The following CC2D2B variants were observed in gnomAD, a reference collection of about 807,000 sequenced individuals.
The protein encoded by CC2D2B is protein CC2D2B.
CC2D2B carries 128 observed loss-of-function variants against 161.2 expected under a neutral mutation model. That is an observed-to-expected ratio of 0.79 (90% CI 0.69 to 0.92). CC2D2B has a LOEUF of 0.92. CC2D2B is among the 40% of genes least tolerant of loss of function. The pLI is 0.00. For missense variants in CC2D2B, 1,173 were observed against 1,375.1 expected, an observed-to-expected ratio of 0.85 and a Z score of 2.32; for synonymous variants, 391 against 449.8, an observed-to-expected ratio of 0.87 and a Z score of 1.65.
In CC2D2B at chr10:96,032,111, A is replaced by AGCTGGACTTG; in HGVS notation, c.*103_*104insGCTGGACTTG. On this transcript the variant is annotated 3_prime_UTR_variant, in exon 35 of 35. Transcript: ENST00000646931. ...TTGCTGTTTATTCTCAAGTCCAGCT[A>AGCTGGACTTG]AGTGCTGGGCCCAATTTTTGATTCA... The AGCTGGACTTG allele has an allele frequency of 1.1e-6, 1 of 874,372 alleles. No homozygotes were observed. Among genetic ancestry groups the AGCTGGACTTG allele is most frequent in the Non-Finnish European group, 1.7e-6 (1 of 575,952 alleles). 54.2% of individuals were successfully genotyped at this position (874,372 alleles called of 1,614,324 possible). A position where few individuals can be genotyped will look rare whatever the true frequency, so the allele number is the denominator to read the frequency against.
At chr10:95,991,257 A>T in intron 20 of CC2D2B, 113 bp from the exon 21 acceptor site, 1 of 353,792 alleles carries the variant, frequency 2.8e-6, no homozygotes, top group East Asian at 4.0e-5. Flanking sequence ...CTCCTACTCC[A>T]TTCATTGCTT....
chr10:96,024,882 TA>T lies in CC2D2B; in HGVS notation c.3922del (p.Ser1308AlafsTer3). 1 of 1,531,276 alleles carries T rather than the reference TA, an allele frequency of 6.5e-7. No individual in the cohort carries two copies. Among genetic ancestry groups the T allele is most frequent in the Non-Finnish European group, 8.9e-7 (1 of 1,129,750 alleles). 94.9% of individuals were successfully genotyped at this position (1,531,276 alleles called of 1,614,324 possible). On this transcript the variant is annotated frameshift_variant, in exon 33 of 35. Coordinates refer to ENST00000646931, the MANE Select transcript of CC2D2B (RefSeq NM_001349008.3). LOFTEE classifies it high-confidence loss of function. ...PEEIIYFETD[K>X]SMVEDLRNRI... ...AAGAAATAATTTATTTTGAAACTGA[TA>T]AAAGCATGGTAGAAGATCTAAGGAA...
At chr10:96,019,124 T>C in intron 30 of CC2D2B, 79 bp from the exon 31 acceptor site, 1 of 1,251,284 alleles carries the variant, frequency 8.0e-7, no homozygotes, top group Non-Finnish European at 1.1e-6. Flanking sequence ...GCTTTAAAAA[T>C]TAGAATCATC....
At chr10:95,962,078 T>G in intron 12 of CC2D2B, 109 bp downstream of exon 12, 1 of 591,970 alleles carries the variant, frequency 1.7e-6, no homozygotes, top group Non-Finnish European at 2.5e-6. Context: ...AACTATTCCA[T>G]GTAGTCAACA....
chr10:95,952,696 A>G (rs1389084737), intron 10 of CC2D2B, among the ~76,000 whole-genome samples: 1 of 152,082 alleles, frequency 6.6e-6, no homozygotes, highest in Non-Finnish European at 1.5e-5. Flanking sequence ...TCTGAAATTA[A>G]TACTCTATCT....
intron 1 of CC2D2B, among the ~76,000 whole-genome samples, chr10:95,908,663 A>G (rs1474320639): frequency 6.6e-6 from 1 of 151,980 alleles, no homozygotes; most frequent in Non-Finnish European, 1.5e-5. Context: ...TGGGGAAGTG[A>G]TGTGAGAGTT....
chr10:95,967,756 T>C (rs1273443636), intron 14 of CC2D2B, among the ~76,000 whole-genome samples: 2 of 152,188 alleles, frequency 1.3e-5, no homozygotes, highest in East Asian at 1.9e-4. Context: ...ATTGGGAATA[T>C]GGTCGAAAGA....
At chr10:95,921,782 C>T (rs536315412) in intron 2 of CC2D2B, among the ~76,000 whole-genome samples, 5 of 147,538 alleles carry the variant, frequency 3.4e-5, no homozygotes, top group East Asian at 2.0e-4. Context: ...GCACATCACA[C>T]GCCAGGGCCT....
In CC2D2B at chr10:95,937,894, C is replaced by T. The variant is rs893005851; in HGVS notation, c.337-97C>T. The T allele has an allele frequency of 1.8e-4, 128 of 713,728 alleles. 2 individuals are homozygous for T. Among genetic ancestry groups the T allele is most frequent in the South Asian group, 1.4e-3 (71 of 52,414 alleles). The allele number at this position is 713,728 out of a possible 1,614,324, so 44.2% of individuals were successfully genotyped here. On this transcript the variant is annotated intron_variant, in intron 6 of 34. Coordinates refer to ENST00000646931, the MANE Select transcript of CC2D2B (RefSeq NM_001349008.3). Reference sequence around the variant, plus strand: ...GTTCTGTGGGTGGCAGGATCAGACGCACAGTTCACAGTAAGGTTCCAGTAC... The same window carrying T: ...GTTCTGTGGGTGGCAGGATCAGACGTACAGTTCACAGTAAGGTTCCAGTAC...
At chr10:95,945,509 C>T (rs527391630) in intron 9 of CC2D2B, among the ~76,000 whole-genome samples, 97 of 152,306 alleles carry the variant, frequency 6.4e-4, no homozygotes, top group African/African-American at 1.5e-3. Context: ...TGATTAGTTT[C>T]GTCTGACCAT....
intron 24 of CC2D2B, chr10:96,000,216 G>A (rs2078417774): frequency 2.3e-6 from 3 of 1,301,862 alleles, no homozygotes; most frequent in Non-Finnish European, 2.9e-6. Flanking sequence ...TACATCAGGT[G>A]CCTTTCTTCT....
chr10:95,951,846 T>G (rs760591802), intron 10 of CC2D2B, among the ~76,000 whole-genome samples: 1 of 152,234 alleles, frequency 6.6e-6, no homozygotes, highest in Non-Finnish European at 1.5e-5. Context: ...TATGTTTCAG[T>G]ATTATTATTG....
chr10:96,003,993 G>A lies in CC2D2B; in HGVS notation c.2850-159G>A, dbSNP rs370993259. On this transcript the variant is annotated intron_variant, in intron 24 of 34. Transcript: ENST00000646931. ...AAAGCACATGCTGGCTCTAATGAAA[G>A]GTAGCAGCCAGTCTTCAGAACATAG... is the stretch of plus-strand genomic sequence containing the variant. 2.6e-5 allele frequency among the ~76,000 whole-genome samples: 4 copies of A among 152,234 alleles called. No homozygotes were observed. The East Asian group carries it at 7.7e-4, about 29-fold the overall frequency.
chr10:96,033,445 T>C lies in CC2D2B; in HGVS notation c.*1437T>C, dbSNP rs1022802525. The stretch of plus-strand genomic sequence containing the variant: ...AATTTTTACTTTTATTTGAATGTTT[T>C]TGTTTAAATTTAATGTGAAGTTTTA... On this transcript the variant is annotated 3_prime_UTR_variant, in exon 35 of 35. Coordinates refer to ENST00000646931, the MANE Select transcript of CC2D2B (RefSeq NM_001349008.3). 6.6e-6 allele frequency among the ~76,000 whole-genome samples: 1 copy of C among 152,232 alleles called. No homozygotes were observed. Among genetic ancestry groups the C allele is most frequent in the African/African-American group, 2.4e-5 (1 of 41,468 alleles).
At position 95,955,376 on chromosome 10, in the gene CC2D2B, CT is replaced by C. The variant is rs139486333; in HGVS notation, c.1012-8del. 1,049 of 346,192 alleles carry C rather than the reference CT, an allele frequency of 3.0e-3. 2 individuals carry two copies. Among genetic ancestry groups the C allele is most frequent in the East Asian group, 5.6e-3 (116 of 20,872 alleles). The allele number at this position is 346,192 out of a possible 1,614,324, so 21.4% of individuals were successfully genotyped here. A position where few individuals can be genotyped will look rare whatever the true frequency, so the allele number is the denominator to read the frequency against. On this transcript the variant is annotated splice_polypyrimidine_tract_variant and intron_variant, in intron 10 of 34. Transcript: ENST00000646931. ...GGCAGATAAAATATACCGAAGAGCT[CT>C]TTTTTTTTTGTTATAGCTGAAAGCA...
At position 96,027,285 on chromosome 10, in the gene CC2D2B, AC is replaced by A. The variant is rs2079826042; in HGVS notation, c.4022del (p.Thr1341IlefsTer15). ...CCCAACACATTGGAATCGACAGTGT[AC>A]TTTTATTTTGCGACAAATCCTTCCT... ...KHPTHWNRQC[T>X]FILRQILPKL... On this transcript the variant is annotated frameshift_variant, in exon 34 of 35. Transcript: ENST00000646931. LOFTEE classifies it high-confidence loss of function. 1 of 1,551,338 alleles carries A rather than the reference AC, an allele frequency of 6.4e-7. No homozygotes were observed. The highest frequency in any genetic ancestry group is 1.4e-5 in the African/African-American group (1 of 73,176).
At chr10:96,010,046 T>TA in intron 26 of CC2D2B, 123 bp downstream of exon 26, 1 of 615,038 alleles carries the variant, frequency 1.6e-6, no homozygotes, top group African/African-American at 1.8e-5. Context: ...GATGATCCTG[T>TA]ATTAGAATGT....
At chr10:95,993,713 A>C (rs1355637481) in intron 22 of CC2D2B, among the ~76,000 whole-genome samples, 3 of 149,952 alleles carry the variant, frequency 2.0e-5, no homozygotes, top group Non-Finnish European at 3.0e-5. Context: ...AACACCAAAA[A>C]AGTAGGAGGG....
In CC2D2B at chr10:95,999,060, G is replaced by A. The variant is rs368013080; in HGVS notation, c.2849+2808G>A. 3.3e-5 allele frequency among the ~76,000 whole-genome samples: 5 copies of A among 152,198 alleles called. No individual in the cohort carries two copies. The East Asian group carries it at 7.7e-4, about 24-fold the overall frequency. On this transcript the variant is annotated intron_variant, in intron 24 of 34. Coordinates refer to ENST00000646931, the MANE Select transcript of CC2D2B (RefSeq NM_001349008.3). Reference sequence around the variant, plus strand: ...CGCGCCACTGCACTCCAGCCTGGGCGACAGAAGGAGACTCCGTCTCAAAGA... The same window carrying A: ...CGCGCCACTGCACTCCAGCCTGGGCAACAGAAGGAGACTCCGTCTCAAAGA...
Sources: allele counts gnomAD v4.1 joint callset (sites outside exome capture counted in the v4.1 genomes callset), GRCh38; gene constraint gnomAD v4.1.1; transcripts MANE v1.5; gene names NCBI Gene and HGNC (gene_info 2026-07-23, HGNC 2026-07-21).